The following CEP57 variants were observed in gnomAD, a reference collection of about 807,000 sequenced individuals.
The protein encoded by CEP57 is centrosomal protein 57, also known as centrosomal protein of 57 kDa.
Under a neutral mutation model 68.0 loss-of-function variants are expected in CEP57, and 40 were observed. That is an observed-to-expected ratio of 0.59 (90% confidence interval 0.46 to 0.77). The LOEUF (loss-of-function observed/expected upper bound fraction) is 0.77. Among genes scored for constraint, CEP57 ranks in the 30% least tolerant of loss-of-function variants. The probability of loss-of-function intolerance (pLI) is 0.00; values close to 1 mark genes in which losing one functional copy is unlikely to be tolerated. For synonymous variants in CEP57, 219 were observed against 198.7 expected, an observed-to-expected ratio of 1.10 and a Z score of -0.86; for missense variants, 606 against 580.7, an observed-to-expected ratio of 1.04 and a Z score of -0.45.
intron 1 of CEP57, chr11:95,795,622 A>G (rs1051689492): frequency 3.8e-5 from 18 of 476,314 alleles, no homozygotes; most frequent in African/African-American, 2.8e-4. Context: ...ACCATTAAGT[A>G]TGTTTGCCAT....
chr11:95,808,175 T>C (rs1861893354), intron 2 of CEP57, among the ~76,000 whole-genome samples: 1 of 152,052 alleles, frequency 6.6e-6, no homozygotes, highest in Admixed American at 6.6e-5. Flanking sequence ...GCTGAGAGAT[T>C]TTGTTACCAC....
rs11742 is a variant in CEP57, at chr11:95,821,924, G to A, written c.753G>A (p.Pro251=). The change falls in exon 7 of 11, where the codon CCG becomes CCA. Residue 251 remains proline, a synonymous_variant. Coordinates refer to ENST00000325542, the MANE Select transcript of CEP57 (RefSeq NM_014679.5). ...NRLIFEDKAT[P]CVPNARRIKK... is the part of the protein sequence containing the mutation. ...TTATCTTTGAAGATAAGGCAACTCC[G>A]TGTGTTCCCAATGCAAGAAGAATTA... The A allele has an allele frequency of 0.043, 70,002 of 1,611,970 alleles. 1,770 individuals carry two copies. The highest frequency in any genetic ancestry group is 0.051 in the Non-Finnish European group (60,327 of 1,178,950).
chr11:95,803,560 T>C (rs3016206), intron 2 of CEP57, among the ~76,000 whole-genome samples: 43,831 of 110,848 alleles, frequency 0.4, 6,782 homozygotes, highest in Middle Eastern at 0.51. Flanking sequence ...GTTTGGCCCC[T>C]GCCCCCCCGC....
intron 1 of CEP57, chr11:95,794,427 T>A (rs867408066): frequency 1.4e-5 from 6 of 416,528 alleles, no homozygotes; most frequent in African/African-American, 6.1e-5. Flanking sequence ...CCAACAACCC[T>A]CTTTATTTTA....
In CEP57 at chr11:95,817,806, G is replaced by A. The variant is rs768997831; in HGVS notation, c.524G>A (p.Arg175Gln). Residue 175 changes from arginine to glutamine, a missense_variant, in exon 5 of 11, where the codon CGA becomes CAA. Physicochemically the swap from Arg to Gln is conservative, Grantham distance 43. Coordinates refer to ENST00000325542, the MANE Select transcript of CEP57 (RefSeq NM_014679.5). The stretch of plus-strand genomic sequence containing the variant: ...TTTCAGGTTTCCCTAGAAAGAGAAC[G>A]ACAACATGATCAAACACATGTTCAG... Reference protein sequence around the residue: ...LEKQVSLERERQHDQTHVQSQ... With the variant: ...LEKQVSLEREQQHDQTHVQSQ... The A allele has an allele frequency of 1.4e-5, 22 of 1,612,930 alleles. No homozygotes were observed. Among genetic ancestry groups the A allele is most frequent in the African/African-American group, 2.7e-5 (2 of 74,864 alleles).
chr11:95,829,414 AG>A, intron 10 of CEP57, 83 bp downstream of exon 10: 1 of 1,313,200 alleles, frequency 7.6e-7, no homozygotes. Flanking sequence ...GATGACACTA[AG>A]TGTATCATAG....
At chr11:95,828,904 T>G (rs1248466066) in intron 9 of CEP57, among the ~76,000 whole-genome samples, 1 of 151,864 alleles carries the variant, frequency 6.6e-6, no homozygotes, top group Non-Finnish European at 1.5e-5. Flanking sequence ...TGGCCAGGCA[T>G]GGTGGCAGGC....
chr11:95,829,242 GAC>G lies in CEP57; in HGVS notation c.1185_1186del (p.Asp395GlufsTer5). The G allele has an allele frequency of 1.9e-6, 3 of 1,614,062 alleles. No individual in the cohort carries two copies. Among genetic ancestry groups the G allele is most frequent in the Non-Finnish European group, 2.5e-6 (3 of 1,179,996 alleles). On this transcript the variant is annotated frameshift_variant, in exon 10 of 11. Transcript: ENST00000325542. LOFTEE classifies it high-confidence loss of function. ...IQESPTVELK[D>X]KLECELEALV... ...GGAGTCGCCAACCGTTGAACTGAAA[GAC>G]AAGTTGGAGTGTGAATTGGAGGCAT...
At chr11:95,824,183 CTG>C (rs1446556957) in intron 8 of CEP57, among the ~76,000 whole-genome samples, 2 of 151,494 alleles carry the variant, frequency 1.3e-5, no homozygotes, top group Non-Finnish European at 2.9e-5. Flanking sequence ...GAGTTCGAGA[CTG>C]TAGTAAGCGA....
At chr11:95,818,383 T>G (rs957509773) in intron 5 of CEP57, among the ~76,000 whole-genome samples, 2 of 149,622 alleles carry the variant, frequency 1.3e-5, no homozygotes, top group Admixed American at 6.7e-5. Context: ...TTCACTCCAG[T>G]CAGGGCAACA....
At chr11:95,816,148 A>C (rs1319181480) in intron 4 of CEP57, among the ~76,000 whole-genome samples, 2 of 152,180 alleles carry the variant, frequency 1.3e-5, no homozygotes, top group Non-Finnish European at 2.9e-5. Context: ...ACTTCTGGAA[A>C]CTTAACACTT....
At chr11:95,808,037 G>A (rs553536956) in intron 2 of CEP57, among the ~76,000 whole-genome samples, 88 of 152,252 alleles carry the variant, frequency 5.8e-4, no homozygotes, top group African/African-American at 2.1e-3. Context: ...GAAACTACAA[G>A]CCAGAAGAGA....
chr11:95,824,183 C>A (rs895274968), intron 8 of CEP57, among the ~76,000 whole-genome samples: 1 of 151,494 alleles, frequency 6.6e-6, no homozygotes, highest in Non-Finnish European at 1.5e-5. Flanking sequence ...GAGTTCGAGA[C>A]TGTAGTAAGC....
At chr11:95,814,440 A>T (rs938078108) in intron 4 of CEP57, among the ~76,000 whole-genome samples, 9 of 144,940 alleles carry the variant, frequency 6.2e-5, no homozygotes, top group African/African-American at 2.3e-4. Context: ...AGCTCACCGC[A>T]ACCTCCACCT....
chr11:95,805,701 G>C (rs1459139984), intron 2 of CEP57, among the ~76,000 whole-genome samples: 1 of 152,132 alleles, frequency 6.6e-6, no homozygotes, highest in East Asian at 1.9e-4. Flanking sequence ...GTGACTGTTA[G>C]AATCAATGTT....
At position 95,810,825 on chromosome 11, in the gene CEP57, G is replaced by T. The variant is rs556869708; in HGVS notation, c.203-2107G>T. Among the ~76,000 whole-genome samples the T allele has an allele frequency of 2.5e-4, 38 of 152,148 alleles. 1 individual carries two copies. The highest frequency in any genetic ancestry group is 7.7e-4 in the African/African-American group (32 of 41,504). ...CCCCATCAAGCTACCACTGACTTTC[G>T]TCACAGAATTGGAAAAAACTACTTT... On this transcript the variant is annotated intron_variant, in intron 2 of 10. Coordinates refer to ENST00000325542, the MANE Select transcript of CEP57 (RefSeq NM_014679.5).
rs759718020 is a variant in CEP57 at position 95,790,696 on chromosome 11, A to C, written c.-3A>C. On this transcript the variant is annotated 5_prime_UTR_variant, in exon 1 of 11. Coordinates refer to ENST00000325542, the MANE Select transcript of CEP57 (RefSeq NM_014679.5). ...TGCGGAGACCCCCTGGGCAGGCTGA[A>C]AGATGGCGGCGGCGTCTGTCTCTGC... 6.2e-6 allele frequency: 10 copies of C among 1,613,976 alleles called. No individual in the cohort carries two copies. Among genetic ancestry groups the C allele is most frequent in the Admixed American group, 1.7e-5 (1 of 60,008 alleles).
At chr11:95,815,163 C>G (rs1862251269) in intron 4 of CEP57, 1 of 152,188 alleles carries the variant, frequency 6.6e-6, no homozygotes, top group Admixed American at 6.5e-5. Context: ...AGAGGGCTTA[C>G]CGTGTATGCT....
chr11:95,818,736 T>C, intron 5 of CEP57, 91 bp from the exon 6 acceptor site: 1 of 992,690 alleles, frequency 1.0e-6, no homozygotes, highest in Non-Finnish European at 1.6e-6. Flanking sequence ...TTGAGTAGGA[T>C]AAAATTTACA....
Sources: gnomAD v4.1 joint callset for allele counts (sites outside exome capture counted in the v4.1 genomes callset) on GRCh38, gnomAD v4.1.1 for gene constraint, MANE v1.5 for transcripts, NCBI Gene and HGNC (gene_info 2026-07-23, HGNC 2026-07-21) for gene names.